DHRSX: variants seen among roughly 807,000 people sequenced by gnomAD.
The protein encoded by DHRSX is polyprenol dehydrogenase.
Under a neutral mutation model 34.0 loss-of-function variants are expected in DHRSX, and 31 were observed. The observed-to-expected ratio is 0.91, with a 90% CI of 0.69 to 1.23. DHRSX has a LOEUF of 1.23. DHRSX is among the 50% of genes most tolerant of loss of function. The pLI, the probability that DHRSX is intolerant of heterozygous loss-of-function variation, is 0.00. For synonymous variants in DHRSX, 201 were observed against 183.8 expected, an observed-to-expected ratio of 1.09 and a Z score of -0.76; for missense variants, 414 against 428.1, an observed-to-expected ratio of 0.97 and a Z score of 0.29.
chrX:2,490,575 T>C, intron 1 of DHRSX: 1 of 1,613,968 alleles, frequency 6.2e-7, no homozygotes, highest in Non-Finnish European at 8.5e-7. Context: ...GCCATGCAGA[T>C]GCGGCAGTAG....
intron 3 of DHRSX, among the ~76,000 whole-genome samples, chrX:2,374,258 T>G (rs2043114348): frequency 6.6e-6 from 1 of 151,838 alleles, no homozygotes; most frequent in South Asian, 2.1e-4. Flanking sequence ...GACAGAAGAG[T>G]TGGCTCTGAA....
chrX:2,225,052 C>T (rs936945577), intron 6 of DHRSX, among the ~76,000 whole-genome samples: 5 of 141,258 alleles, frequency 3.5e-5, no homozygotes, highest in African/African-American at 1.5e-4. Flanking sequence ...CATGCATTCA[C>T]ATTTACATAT....
At chrX:2,408,106 T>C (rs1164969698) in intron 3 of DHRSX, among the ~76,000 whole-genome samples, 1 of 148,676 alleles carries the variant, frequency 6.7e-6, no homozygotes, top group African/African-American at 2.5e-5. Context: ...TTGATTTATC[T>C]TTTTTTCTTT....
chrX:2,312,746 C>A (rs2042178582), intron 3 of DHRSX, among the ~76,000 whole-genome samples: 1 of 152,094 alleles, frequency 6.6e-6, no homozygotes, highest in African/African-American at 2.4e-5. Context: ...CACACCTCTA[C>A]CCTATGGAAT....
At chrX:2,294,050 G>T (rs1261886720) in intron 3 of DHRSX, among the ~76,000 whole-genome samples, 1 of 115,402 alleles carries the variant, frequency 8.7e-6, no homozygotes, top group East Asian at 2.1e-4. Flanking sequence ...GAGATAGAAA[G>T]ATAGAAGCAG....
chrX:2,346,127 T>C (rs1438986571), intron 3 of DHRSX, among the ~76,000 whole-genome samples: 1 of 152,136 alleles, frequency 6.6e-6, no homozygotes, highest in East Asian at 1.9e-4. Context: ...GATGAATTTC[T>C]ACTCACTCTC....
chrX:2,311,726 G>C (rs1408876137), intron 3 of DHRSX, among the ~76,000 whole-genome samples: 1 of 152,140 alleles, frequency 6.6e-6, no homozygotes, highest in African/African-American at 2.4e-5. Flanking sequence ...TCTCCAAGGA[G>C]GTAAATCGTC....
At chrX:2,414,633 C>A (rs1401385785) in intron 2 of DHRSX, among the ~76,000 whole-genome samples, 1 of 151,966 alleles carries the variant, frequency 6.6e-6, no homozygotes, top group Non-Finnish European at 1.5e-5. Context: ...CCAACTAGAC[C>A]TCATCATAAC....
chrX:2,313,353 T>C (rs1331649112), intron 3 of DHRSX, among the ~76,000 whole-genome samples: 1 of 151,066 alleles, frequency 6.6e-6, no homozygotes, highest in Non-Finnish European at 1.5e-5. Context: ...CTTCCATGTA[T>C]TGATTTATGA....
intron 3 of DHRSX, among the ~76,000 whole-genome samples, chrX:2,314,199 AGGAAG>A (rs2042198335): frequency 1.6e-5 from 1 of 60,860 alleles, no homozygotes. Flanking sequence ...GAAGGAGGGA[AGGAAG>A]AGAGGGAGGG....
intron 3 of DHRSX, among the ~76,000 whole-genome samples, chrX:2,374,564 C>A (rs2043118419): frequency 7.3e-6 from 1 of 137,222 alleles, no homozygotes; most frequent in South Asian, 2.3e-4. Flanking sequence ...CATGGAGAAA[C>A]CCCATCTCTA....
intron 1 of DHRSX, among the ~76,000 whole-genome samples, chrX:2,434,775 AT>A (rs1267473366): frequency 1.3e-5 from 2 of 152,380 alleles, no homozygotes; most frequent in African/African-American, 4.8e-5. Flanking sequence ...ATGCTAAGAT[AT>A]ACGAGAAAAC....
At chrX:2,341,042 G>A (rs748564370) in intron 3 of DHRSX, among the ~76,000 whole-genome samples, 8 of 152,188 alleles carry the variant, frequency 5.3e-5, no homozygotes, top group African/African-American at 1.9e-4. Context: ...ATCAAGGCAG[G>A]GGGAGAAAAT....
At chrX:2,247,169 G>A (rs1157273244) in intron 5 of DHRSX, among the ~76,000 whole-genome samples, 1 of 152,024 alleles carries the variant, frequency 6.6e-6, no homozygotes, top group East Asian at 1.9e-4. Context: ...GGCTGGTCTG[G>A]AACTTCTGAC....
At chrX:2,446,924 C>T (rs1200582090) in intron 1 of DHRSX, among the ~76,000 whole-genome samples, 1 of 151,602 alleles carries the variant, frequency 6.6e-6, no homozygotes, top group African/African-American at 2.4e-5. Context: ...GCTGAGGGGC[C>T]GCCGCCATGT....
intron 3 of DHRSX, among the ~76,000 whole-genome samples, chrX:2,327,578 GA>G (rs2042401496): frequency 6.7e-6 from 1 of 150,128 alleles, no homozygotes; most frequent in East Asian, 1.9e-4. Context: ...GCTACCCAAG[GA>G]AAAGCCATTG....
rs1439150705 is a variant in DHRSX, at chrX:2,375,155, G to A, written c.286+33590C>T. Among the ~76,000 whole-genome samples, 7 of 138,446 alleles carry A rather than the reference G, an allele frequency of 5.1e-5. 3 individuals carry two copies. The highest frequency in any genetic ancestry group is 5.1e-5 in the Non-Finnish European group (3 of 58,574). The allele number at this position is 138,446 out of a possible 152,430, so 90.8% of individuals were successfully genotyped here. A position where few individuals can be genotyped will look rare whatever the true frequency, so the allele number is the denominator to read the frequency against. ...CTGTGACTACAGGACAAGCGGTCAC[G>A]CTGTCATGGAAGGATGGAGCCCATC... On this transcript the variant is annotated intron_variant, in intron 3 of 6. Coordinates refer to ENST00000334651, the MANE Select transcript of DHRSX (RefSeq NM_145177.3).
intron 3 of DHRSX, among the ~76,000 whole-genome samples, chrX:2,381,286 G>T (rs1325129236): frequency 6.6e-6 from 1 of 152,102 alleles, no homozygotes; most frequent in Non-Finnish European, 1.5e-5. Context: ...CTTCTAAAAG[G>T]GACCCCAGAG....
chrX:2,472,185 T>C (rs1484189391), intron 1 of DHRSX, among the ~76,000 whole-genome samples: 1 of 149,294 alleles, frequency 6.7e-6, no homozygotes, highest in Non-Finnish European at 1.5e-5. Context: ...TGCAGGAACA[T>C]GCACGGAGGT....
Sources: gnomAD v4.1 joint callset for allele counts (sites outside exome capture counted in the v4.1 genomes callset) on GRCh38, gnomAD v4.1.1 for gene constraint, MANE v1.5 for transcripts, NCBI Gene and HGNC (gene_info 2026-07-23, HGNC 2026-07-21) for gene names.